The following UBE3C variants were observed in gnomAD, a reference collection of about 807,000 sequenced individuals.
UBE3C encodes the protein ubiquitin protein ligase E3C.
Under a neutral mutation model 129.4 loss-of-function variants are expected in UBE3C, and 42 were observed. The observed-to-expected ratio is 0.32, with a 90% CI of 0.25 to 0.42. The LOEUF (loss-of-function observed/expected upper bound fraction) is 0.42, where lower values mean the gene tolerates loss of function less well. Ranked by LOEUF, UBE3C falls within the 10% of genes least tolerant of loss-of-function variation. The pLI is 1.00. For missense variants in UBE3C, 1,049 were observed against 1,319.1 expected (o/e 0.80, Z 3.17); for synonymous variants, 510 against 492.4 (o/e 1.04, Z -0.47).
intron 17 of UBE3C, among the ~76,000 whole-genome samples, chr7:157,227,563 G>C (rs1039689193): frequency 6.6e-6 from 1 of 151,954 alleles, no homozygotes; most frequent in Non-Finnish European, 1.5e-5. Context: ...AGCTGGGCGT[G>C]GTGGTAGGCA....
chr7:157,148,496 A>G (rs1053765074), intron 1 of UBE3C, among the ~76,000 whole-genome samples: 2 of 152,034 alleles, frequency 1.3e-5, no homozygotes, highest in Non-Finnish European at 2.9e-5. Flanking sequence ...ACTGCCCTCT[A>G]TTATATAATT....
At chr7:157,175,500 G>A (rs961076678) in intron 5 of UBE3C, among the ~76,000 whole-genome samples, 12 of 152,178 alleles carry the variant, frequency 7.9e-5, no homozygotes, top group Admixed American at 5.9e-4. Flanking sequence ...TTCAGTGTCC[G>A]AAAGAACACG....
At chr7:157,160,016 G>T (rs187705380) in intron 1 of UBE3C, among the ~76,000 whole-genome samples, 1 of 152,136 alleles carries the variant, frequency 6.6e-6, no homozygotes, top group East Asian at 1.9e-4. Flanking sequence ...TCAAGTTTCA[G>T]ATAGGACTTT....
chr7:157,167,769 CTTGTG>C (rs764768333), intron 2 of UBE3C, among the ~76,000 whole-genome samples: 1 of 151,890 alleles, frequency 6.6e-6, no homozygotes, highest in Non-Finnish European at 1.5e-5. Context: ...ATCTCCTGAC[CTTGTG>C]ATCCTCCTGC....
rs1381906942 is a variant in UBE3C, at chr7:157,163,850, GAAGA to G, written c.112_115del (p.Lys38GlufsTer8). 4 of 1,613,500 alleles carry G rather than the reference GAAGA, an allele frequency of 2.5e-6. No homozygotes were observed. Among genetic ancestry groups the G allele is most frequent in the Middle Eastern group, 1.7e-4 (1 of 6,046 alleles). On this transcript the variant is annotated frameshift_variant, in exon 2 of 23. Transcript: ENST00000348165. LOFTEE classifies it high-confidence loss of function. ...CTTTTACATCGTACTCAGGAAGAAAGAAGAAAGAGAGAGGTAAAAACAGTTTTGT... is the reference window on the plus strand; with the variant it reads ...CTTTTACATCGTACTCAGGAAGAAAGAAGAGAGAGGTAAAAACAGTTTTGT...
intron 4 of UBE3C, among the ~76,000 whole-genome samples, chr7:157,173,316 C>T (rs1329905150): frequency 6.6e-6 from 1 of 152,180 alleles, no homozygotes; most frequent in African/African-American, 2.4e-5. Flanking sequence ...TTCAAGGCTG[C>T]AGTGAGCTAT....
intron 10 of UBE3C, among the ~76,000 whole-genome samples, chr7:157,198,917 A>T (rs1206827576): frequency 6.6e-6 from 1 of 152,240 alleles, no homozygotes; most frequent in East Asian, 1.9e-4. Context: ...AGCTTGAAAT[A>T]CAAATTTTAA....
chr7:157,254,094 T>C lies in UBE3C; in HGVS notation c.2835T>C (p.Asn945=). The C allele has an allele frequency of 1.9e-6, 3 of 1,613,208 alleles. No individual in the cohort carries two copies. Among genetic ancestry groups the C allele is most frequent in the South Asian group, 2.2e-5 (2 of 90,764 alleles). The part of the protein sequence containing the change: ...HCLAFRQGLA[N]VVSLEWLRMF... ...TGGCTTTCCGCCAGGGCCTTGCCAA[T>C]GTCGTCAGCCTCGAGTGGCTCCGAA... The change falls in exon 20 of 23, where the codon AAT becomes AAC. Residue 945 remains asparagine (N), a synonymous_variant. Coordinates refer to ENST00000348165, the MANE Select transcript of UBE3C (RefSeq NM_014671.3).
intron 1 of UBE3C, among the ~76,000 whole-genome samples, chr7:157,157,938 C>CCA (rs1224874938): frequency 6.6e-6 from 1 of 150,768 alleles, no homozygotes; most frequent in Non-Finnish European, 1.5e-5. Context: ...CAAGATCGTG[C>CCA]CACTGCACTC....
At chr7:157,198,478 G>T in intron 10 of UBE3C, 1 of 439,924 alleles carries the variant, frequency 2.3e-6, no homozygotes, top group East Asian at 4.9e-5. Context: ...CTCCTCTCCT[G>T]CTCACCGAGC....
At chr7:157,163,956 G>C in intron 2 of UBE3C, 93 bp downstream of exon 2, 2 of 1,163,170 alleles carry the variant, frequency 1.7e-6, no homozygotes, top group South Asian at 1.3e-5. Context: ...ATGTGTGTAT[G>C]TATTTTTTAT....
At chr7:157,153,380 A>G (rs1807812428) in intron 1 of UBE3C, among the ~76,000 whole-genome samples, 1 of 152,132 alleles carries the variant, frequency 6.6e-6, no homozygotes, top group Admixed American at 6.5e-5. Context: ...TAACTCTGGA[A>G]CCAACTGTCT....
chr7:157,250,457 G>C (rs954145446), intron 19 of UBE3C, among the ~76,000 whole-genome samples: 1 of 152,112 alleles, frequency 6.6e-6, no homozygotes, highest in Non-Finnish European at 1.5e-5. Context: ...AAAGTGCTGG[G>C]ATTACAGGCA....
chr7:157,153,016 C>T (rs754226545), intron 1 of UBE3C, among the ~76,000 whole-genome samples: 4 of 151,990 alleles, frequency 2.6e-5, no homozygotes, highest in Non-Finnish European at 4.4e-5. Flanking sequence ...GCCAACATGG[C>T]GAAACCCTGT....
chr7:157,146,393 G>A (rs1807605940), intron 1 of UBE3C, among the ~76,000 whole-genome samples: 1 of 143,010 alleles, frequency 7.0e-6, no homozygotes, highest in African/African-American at 2.8e-5. Flanking sequence ...CACCACACCT[G>A]GCTACTCTAG....
intron 15 of UBE3C, chr7:157,222,575 A>G (rs1032453802): frequency 1.3e-5 from 2 of 152,144 alleles, no homozygotes; most frequent in Non-Finnish European, 2.9e-5. Context: ...GCGTGCCACC[A>G]TGCCCAGCTA....
chr7:157,223,504 A>G (rs1795793991), intron 16 of UBE3C, among the ~76,000 whole-genome samples, 153 bp downstream of exon 16: 1 of 152,264 alleles, frequency 6.6e-6, no homozygotes, highest in Non-Finnish European at 1.5e-5. Flanking sequence ...AGAATGATTT[A>G]TAAAACCCAA....
intron 5 of UBE3C, among the ~76,000 whole-genome samples, chr7:157,178,345 G>A (rs1160195518): frequency 1.3e-5 from 2 of 152,160 alleles, no homozygotes; most frequent in Non-Finnish European, 1.5e-5. Context: ...TCGTATCTGA[G>A]TTTAATTAAA....
chr7:157,158,718 C>T (rs756355075), intron 1 of UBE3C, among the ~76,000 whole-genome samples: 37 of 152,200 alleles, frequency 2.4e-4, no homozygotes, highest in Non-Finnish European at 4.4e-4. Context: ...CTCAGCTAAT[C>T]CTTTGCTTTG....
Sources: allele counts gnomAD v4.1 joint callset (sites outside exome capture counted in the v4.1 genomes callset), GRCh38; gene constraint gnomAD v4.1.1; transcripts MANE v1.5; gene names NCBI Gene and HGNC (gene_info 2026-07-23, HGNC 2026-07-21).